Variants in COPB1 observed in about 807,000 individuals in gnomAD.
The protein encoded by COPB1 is coat protein complex I subunit beta 1, also known as coatomer subunit beta.
In COPB1, 21 loss-of-function variants were observed where a neutral mutation model predicts 108.7. That is an observed-to-expected ratio of 0.19 (90% CI 0.14 to 0.28). The LOEUF (loss-of-function observed/expected upper bound fraction) is 0.28, where lower values mean the gene tolerates loss of function less well. Ranked by LOEUF, COPB1 falls within the 10% of genes least tolerant of loss-of-function variation. The pLI is 1.00. For synonymous variants in COPB1, 378 were observed against 386.8 expected (o/e 0.98, Z 0.27); for missense variants, 919 against 1,141.3 (o/e 0.81, Z 2.81).
At chr11:14,458,032 G>T in intron 21 of COPB1, 149 bp from the exon 22 acceptor site, 1 of 413,138 alleles carries the variant, frequency 2.4e-6, no homozygotes, top group Non-Finnish European at 4.3e-6. Flanking sequence ...AAACTTTACT[G>T]GTAATTACCT....
In COPB1 at chr11:14,468,703, G is replaced by C. The variant is rs748427105; in HGVS notation, c.2123C>G (p.Pro708Arg). ...GNTQRKEAAD[P>R]LASKLNKVTQ... ...TACCTTGTTAAGTTTAGATGCTAGGGGATCTGCTGCCTCTTTCCTCTGTGT... is the reference window on the plus strand; with the variant it reads ...TACCTTGTTAAGTTTAGATGCTAGGCGATCTGCTGCCTCTTTCCTCTGTGT... The change falls in exon 16 of 22, where the codon CCC becomes CGC. Residue 708 changes from proline (P) to arginine (R), a missense_variant. Physicochemically the swap from Pro to Arg is moderately radical, Grantham distance 103 (BLOSUM62 -2). Around this residue, in one of 5 missense-constraint regions of COPB1, gnomAD observed 705 missense variants for 817.8 expected, o/e 0.86. Transcript: ENST00000439561. 1 of 1,613,832 alleles carries C rather than the reference G, an allele frequency of 6.2e-7. No individual in the cohort carries two copies. The highest frequency in any genetic ancestry group is 8.5e-7 in the Non-Finnish European group (1 of 1,179,958).
At chr11:14,478,695 T>G (rs562327147) in intron 11 of COPB1, among the ~76,000 whole-genome samples, 21 of 151,644 alleles carry the variant, frequency 1.4e-4, no homozygotes, top group African/African-American at 5.1e-4. Context: ...CCAGCAATTC[T>G]CCTGCCTTGG....
intron 5 of COPB1, 51 bp from the exon 6 acceptor site, chr11:14,488,635 G>A: frequency 8.5e-7 from 1 of 1,175,280 alleles, no homozygotes; most frequent in Non-Finnish European, 1.2e-6. Context: ...TCAATAGAAG[G>A]ACTTAATGCA....
intron 18 of COPB1, 92 bp downstream of exon 18, chr11:14,464,819 A>G: frequency 2.2e-6 from 3 of 1,336,810 alleles, no homozygotes; most frequent in Non-Finnish European, 2.1e-6. Flanking sequence ...ATGGATTTAG[A>G]TCCTCTCCTC....
rs772670397 is a variant in COPB1, at chr11:14,460,230, A to G, written c.2624T>C (p.Met875Thr). 6 of 1,610,750 alleles carry G rather than the reference A, an allele frequency of 3.7e-6. No homozygotes were observed. The highest frequency in any genetic ancestry group is 4.2e-6 in the Non-Finnish European group (5 of 1,177,266). ...YLQHILKSTN[M>T]KCLTPEKALS... is the part of the protein sequence containing the mutation. ...TACCTTTTCTGGAGTCAGGCATTTC[A>G]TATTGGTTGACTTTAATATGTGCTG... Residue 875 changes from methionine (M) to threonine (T), a missense_variant, in exon 20 of 22, where the codon ATG (methionine) becomes ACG (threonine). By Grantham distance (81) the Met-to-Thr change is moderately conservative. This residue lies in a region of COPB1 where 705 missense variants were observed against 817.8 expected (regional missense o/e 0.86). Transcript: ENST00000439561.
intron 4 of COPB1, among the ~76,000 whole-genome samples, chr11:14,492,789 C>G (rs1850936448): frequency 6.6e-6 from 1 of 152,120 alleles, no homozygotes; most frequent in African/African-American, 2.4e-5. Context: ...TAAATTGATA[C>G]CTGTGACTGT....
chr11:14,493,340 A>T (rs1850949968), intron 4 of COPB1, among the ~76,000 whole-genome samples: 1 of 152,224 alleles, frequency 6.6e-6, no homozygotes, highest in African/African-American at 2.4e-5. Context: ...GCAAGTGAAC[A>T]TATAAAGTGG....
chr11:14,477,452 GAGGCTGAGGCCAGCGGATC>G (rs1850552729), intron 11 of COPB1, among the ~76,000 whole-genome samples: 1 of 149,756 alleles, frequency 6.7e-6, no homozygotes, highest in African/African-American at 2.5e-5. Flanking sequence ...AGCACATTCG[GAGGCTGAGGCCAGCGGATC>G]ACTTGAGCCC....
chr11:14,490,076 A>G (rs947692899), intron 5 of COPB1, among the ~76,000 whole-genome samples: 1 of 152,182 alleles, frequency 6.6e-6, no homozygotes, highest in Non-Finnish European at 1.5e-5. Flanking sequence ...AGGTGTACAG[A>G]GTAATTGCTA....
chr11:14,471,640 A>G (rs1850404571), intron 14 of COPB1, among the ~76,000 whole-genome samples: 1 of 152,200 alleles, frequency 6.6e-6, no homozygotes, highest in Non-Finnish European at 1.5e-5. Context: ...GAACCTGGCC[A>G]GGCACGGTGG....
chr11:14,457,592 G>C lies in COPB1; in HGVS notation c.*232C>G. ...TTATTGTACTGTGAAAAGGGTCTTG[G>C]TACATGAAACATTATATACTTTGAG... On this transcript the variant is annotated 3_prime_UTR_variant, in exon 22 of 22. Coordinates refer to ENST00000439561, the MANE Select transcript of COPB1 (RefSeq NM_001144061.2). 2.6e-6 allele frequency: 1 copy of C among 382,094 alleles called. No homozygotes were observed. 23.7% of individuals were successfully genotyped at this position (382,094 alleles called of 1,614,324 possible).
intron 20 of COPB1, among the ~76,000 whole-genome samples, chr11:14,459,119 C>A (rs1850088880): frequency 6.6e-6 from 1 of 152,264 alleles, no homozygotes; most frequent in African/African-American, 2.4e-5. Context: ...GTGGTGGTTA[C>A]ATAATCTTAT....
intron 6 of COPB1, 72 bp downstream of exon 6, chr11:14,488,420 C>T: frequency 1.3e-6 from 1 of 791,856 alleles, no homozygotes; most frequent in South Asian, 2.2e-5. Flanking sequence ...AATAATTATC[C>T]CAGAAAGAAA....
chr11:14,479,990 G>A (rs1424971379), intron 10 of COPB1, among the ~76,000 whole-genome samples: 1 of 152,036 alleles, frequency 6.6e-6, no homozygotes, highest in Non-Finnish European at 1.5e-5. Context: ...TTTTTGTAGA[G>A]ACAGGGTCTC....
chr11:14,476,941 T>C lies in COPB1; in HGVS notation c.1433A>G (p.Glu478Gly). The C allele has an allele frequency of 1.2e-6, 2 of 1,610,086 alleles. No individual in the cohort carries two copies. Among genetic ancestry groups the C allele is most frequent in the South Asian group, 2.2e-5 (2 of 90,996 alleles). The change falls in exon 12 of 22, where the codon GAG (glutamate) becomes GGG (glycine). Residue 478 changes from glutamate to glycine, a missense_variant. By Grantham distance (98) the Glu-to-Gly change is moderately conservative. This residue lies in a region of COPB1 where 705 missense variants were observed against 817.8 expected (regional missense o/e 0.86). Transcript: ENST00000439561. The part of the protein sequence containing the change: ...TKEDIQSVMT[E>G]IRRSLGEIPI... ...TACCTCTCCAAGGGACCTGCGGATC[T>C]CAGTCATCACACTCTGAATGTCTTC...
At chr11:14,479,789 T>C (rs1356268628) in intron 10 of COPB1, 75 bp from the exon 11 acceptor site, 1 of 1,360,374 alleles carries the variant, frequency 7.4e-7, no homozygotes, top group South Asian at 1.4e-5. Context: ...AAGAAATAAA[T>C]TAAAAGAATG....
chr11:14,464,855 T>C (rs961159395), intron 18 of COPB1, 56 bp downstream of exon 18: 16 of 1,577,788 alleles, frequency 1.0e-5, no homozygotes, highest in East Asian at 4.5e-5. Context: ...CTACTCACTA[T>C]AGAAATTCTT....
At position 14,498,980 on chromosome 11, in the gene COPB1, G is replaced by T; in HGVS notation, c.-52C>A. The T allele has an allele frequency of 7.5e-7, 1 of 1,333,908 alleles. No individual in the cohort carries two copies. Among genetic ancestry groups the T allele is most frequent in the South Asian group, 1.4e-5 (1 of 72,312 alleles). 82.6% of individuals were successfully genotyped at this position (1,333,908 alleles called of 1,614,324 possible). A position where few individuals can be genotyped will look rare whatever the true frequency, so the allele number is the denominator to read the frequency against. On this transcript the variant is annotated 5_prime_UTR_variant, in exon 2 of 22. It adds an upstream start codon to the 5' untranslated region. Coordinates refer to ENST00000439561, the MANE Select transcript of COPB1 (RefSeq NM_001144061.2). ...CTTGACACAAGATTTAAGGATGCCA[G>T]AAAATCTAGAAAAATAAACACAGAC...
At chr11:14,462,492 A>T (rs1182116418) in intron 18 of COPB1, among the ~76,000 whole-genome samples, 1 of 152,116 alleles carries the variant, frequency 6.6e-6, no homozygotes, top group African/African-American at 2.4e-5. Context: ...TTGGCCTCCC[A>T]AAGTGCTGGG....
Sources: gnomAD v4.1 joint callset for allele counts (sites outside exome capture counted in the v4.1 genomes callset) on GRCh38, gnomAD v4.1.1 for gene constraint, gnomAD v4.1.1 regional missense constraint, MANE v1.5 for transcripts, NCBI Gene and HGNC (gene_info 2026-07-23, HGNC 2026-07-21) for gene names.